LRRC56: variants seen among roughly 807,000 people sequenced by gnomAD.
The protein encoded by LRRC56 is leucine rich repeat containing 56.
A neutral mutation model predicts 47.8 loss-of-function variants in LRRC56; 41 were observed. The observed-to-expected ratio is 0.86, with a 90% CI of 0.67 to 1.11. The LOEUF is 1.11. Among genes scored for constraint, LRRC56 ranks in the 50% most tolerant of loss-of-function variants. The pLI is 0.00. For synonymous variants in LRRC56, 387 were observed against 311.2 expected (o/e 1.24, Z -2.56); for missense variants, 759 against 704.2 (o/e 1.08, Z -0.88).
chr11:553,885 T>G (rs1852591114), intron 13 of LRRC56, 78 bp from the exon 14 acceptor site: 5 of 1,336,056 alleles, frequency 3.7e-6, no homozygotes, highest in Non-Finnish European at 5.2e-6. Flanking sequence ...GGGCCACGGG[T>G]GGGCTGTGGC....
the LRRC56 span, among the ~76,000 whole-genome samples, chr11:525,871 TG>T: frequency 6.6e-6 from 1 of 152,046 alleles, no homozygotes; most frequent in Non-Finnish European, 1.5e-5. Context: ...CACTCCAGCC[TG>T]GGGGACAGAG....
At chr11:507,829 C>T in the LRRC56 span, among the ~76,000 whole-genome samples, 1 of 152,242 alleles carries the variant, frequency 6.6e-6, no homozygotes, top group Non-Finnish European at 1.5e-5. Flanking sequence ...CTGGCTGCCG[C>T]CTTTGTTTCG....
chr11:532,701 G>A (rs151229168), upstream of LRRC56: 68 of 1,613,016 alleles, frequency 4.2e-5, no homozygotes, highest in Non-Finnish European at 5.6e-5. Context: ...TTCAGCTTCC[G>A]CAGCTTGTGC....
At position 554,135 on chromosome 11, in the gene LRRC56, G is replaced by T; in HGVS notation, c.1488G>T (p.Val496=). 2 of 1,602,620 alleles carry T rather than the reference G, an allele frequency of 1.2e-6. No individual in the cohort carries two copies. Among genetic ancestry groups the T allele is most frequent in the South Asian group, 1.1e-5 (1 of 90,672 alleles). ...GPGLGDGVAA[V]PVLRALEVAS... ...GCCTGGGTGATGGGGTGGCTGCAGT[G>T]CCTGTCCTGAGAGCCCTGGAGGTGG... Residue 496 remains valine, a synonymous_variant, in exon 14 of 14, where the codon GTG becomes GTT. Transcript: ENST00000270115.
At chr11:548,343 C>T (rs773983353) in intron 6 of LRRC56, among the ~76,000 whole-genome samples, 4 of 152,150 alleles carry the variant, frequency 2.6e-5, no homozygotes, top group African/African-American at 4.8e-5. Context: ...TGCAGTGGTG[C>T]GACCATGGCT....
intron 6 of LRRC56, among the ~76,000 whole-genome samples, chr11:546,550 T>A (rs565842359): frequency 4.1e-5 from 6 of 147,230 alleles, no homozygotes; most frequent in African/African-American, 1.0e-4. Context: ...CCTGGGCGAC[T>A]GAGTGAGACT....
the LRRC56 span, among the ~76,000 whole-genome samples, chr11:522,499 C>T: frequency 6.6e-6 from 1 of 152,268 alleles, no homozygotes; most frequent in African/African-American, 2.4e-5. Flanking sequence ...ATCTCCTGAC[C>T]TCGTGATTCG....
At chr11:507,714 C>CG in the LRRC56 span, among the ~76,000 whole-genome samples, 2 of 152,242 alleles carry the variant, frequency 1.3e-5, no homozygotes, top group Non-Finnish European at 2.9e-5. Context: ...CTCCGCATGT[C>CG]GGGGTCGCGA....
At position 541,454 on chromosome 11, in the gene LRRC56, C is replaced by G. The variant is rs1401175595; in HGVS notation, c.178-83C>G. ...GTCGGTGCCTGCTCCAGCGGGAGCCCCAGAGTCCTGTAGCCAGAAGCAAGG... is the reference window on the plus strand; with the variant it reads ...GTCGGTGCCTGCTCCAGCGGGAGCCGCAGAGTCCTGTAGCCAGAAGCAAGG... On this transcript the variant is annotated intron_variant, in intron 4 of 13. Transcript: ENST00000270115. The surrounding 1 kb of genome is among the most constrained non-coding windows in gnomAD (Gnocchi z 4.1). The G allele has an allele frequency of 2.6e-6, 2 of 781,408 alleles. No individual in the cohort carries two copies. The highest frequency in any genetic ancestry group is 2.0e-6 in the Non-Finnish European group (1 of 507,948). 48.4% of individuals were successfully genotyped at this position (781,408 alleles called of 1,614,324 possible). A position where few individuals can be genotyped will look rare whatever the true frequency, so the allele number is the denominator to read the frequency against.
upstream of LRRC56, among the ~76,000 whole-genome samples, chr11:535,076 T>TGCCGTG (rs1036866865): frequency 1.3e-5 from 2 of 151,888 alleles, no homozygotes; most frequent in African/African-American, 4.8e-5. Context: ...TGCCCGGGCG[T>TGCCGTG]GCCGTGGCCG....
chr11:551,071 G>A, intron 8 of LRRC56, 60 bp from the exon 9 acceptor site: 1 of 1,019,816 alleles, frequency 9.8e-7, no homozygotes, highest in Non-Finnish European at 1.4e-6. Context: ...GGAAAGAGCT[G>A]GCCGGAAGGA....
rs755993055 is a variant in LRRC56 at position 554,246 on chromosome 11, ACT to A, written c.1605_1606del (p.His536ProfsTer9). The A allele has an allele frequency of 6.0e-6, 9 of 1,507,544 alleles. 1 individual carries two copies. Among genetic ancestry groups the A allele is most frequent in the Non-Finnish European group, 8.0e-6 (9 of 1,131,426 alleles). 93.4% of individuals were successfully genotyped at this position (1,507,544 alleles called of 1,614,324 possible). ...AAARPPRAAELSHPSPVPT is the reference protein window; with the variant it reads ...AAARPPRAAEXSHPSPVPT The stretch of plus-strand genomic sequence containing the variant: ...CAGCTAGACCTCCCAGGGCAGCTGA[ACT>A]CTCTCACCCCAGCCCCGTCCCCACT... On this transcript the variant is annotated frameshift_variant, in exon 14 of 14. Coordinates refer to ENST00000270115, the MANE Select transcript of LRRC56 (RefSeq NM_198075.4). LOFTEE classifies it low-confidence loss of function (END_TRUNC).
At chr11:543,462 G>A (rs1455108936) in intron 5 of LRRC56, among the ~76,000 whole-genome samples, 39 of 151,792 alleles carry the variant, frequency 2.6e-4, no homozygotes, top group African/African-American at 9.2e-4. Context: ...TGATCCACCC[G>A]CCTCGGCCTC....
In LRRC56 at chr11:551,274, CAAG is replaced by C. The variant is rs997074309; in HGVS notation, c.772_774del (p.Lys258del). ...ACTGGCTTGCGGTGAAGGAGGCCATCAAGAAGGGCAACGGCCTTCCCCCGCTGG... is the reference window on the plus strand; with the variant it reads ...ACTGGCTTGCGGTGAAGGAGGCCATCAAGGGCAACGGCCTTCCCCCGCTGG... On this transcript the variant is annotated inframe_deletion, in exon 9 of 14. Coordinates refer to ENST00000270115, the MANE Select transcript of LRRC56 (RefSeq NM_198075.4). 1.2e-5 allele frequency: 19 copies of C among 1,536,840 alleles called. No individual in the cohort carries two copies. The highest frequency in any genetic ancestry group is 1.6e-5 in the Non-Finnish European group (18 of 1,137,068).
At chr11:532,240 G>T in the LRRC56 span, 2 of 403,234 alleles carry the variant, frequency 5.0e-6, no homozygotes, top group East Asian at 4.2e-5. Context: ...CGAAAACCAA[G>T]ATCAAGACCA....
the LRRC56 span, chr11:532,401 A>C: frequency 1.6e-6 from 1 of 617,688 alleles, no homozygotes; most frequent in Non-Finnish European, 2.8e-6. Context: ...ACCTCGGCCC[A>C]CGGTCCCGGG....
chr11:535,497 C>A, upstream of LRRC56: 2 of 147,770 alleles, frequency 1.4e-5, no homozygotes, highest in South Asian at 3.7e-4. Flanking sequence ...GCGGTTCGCC[C>A]CGCGCATGGG....
chr11:540,933 G>A lies in LRRC56; in HGVS notation c.177+72G>A. 9 of 1,279,958 alleles carry A rather than the reference G, an allele frequency of 7.0e-6. No homozygotes were observed. In the South Asian group the frequency reaches 1.2e-4, roughly 17 times the overall value. The allele number at this position is 1,279,958 out of a possible 1,614,324, so 79.3% of individuals were successfully genotyped here. A position where few individuals can be genotyped will look rare whatever the true frequency, so the allele number is the denominator to read the frequency against. On this transcript the variant is annotated intron_variant, in intron 4 of 13. Coordinates refer to ENST00000270115, the MANE Select transcript of LRRC56 (RefSeq NM_198075.4). The stretch of plus-strand genomic sequence containing the variant: ...TGACATCCCAGGGCTCCTTCCTGCT[G>A]ATGGTCCAGCCTGCCCTCTGTCCCC...
At chr11:507,680 C>G in the LRRC56 span, among the ~76,000 whole-genome samples, 3 of 152,352 alleles carry the variant, frequency 2.0e-5, no homozygotes, top group Middle Eastern at 0.01. Flanking sequence ...CAGGAGGGAC[C>G]CGGGAGAAAC....
Sources: gnomAD v4.1 joint callset for allele counts (sites outside exome capture counted in the v4.1 genomes callset) on GRCh38, gnomAD v4.1.1 for gene constraint, Gnocchi (gnomAD v3.1) non-coding constraint, MANE v1.5 for transcripts, NCBI Gene and HGNC (gene_info 2026-07-23, HGNC 2026-07-21) for gene names.